Variants in ASMTL observed in about 807,000 individuals in gnomAD.
ASMTL encodes probable bifunctional dTTP/UTP pyrophosphatase/methyltransferase protein.
A neutral mutation model predicts 60.3 loss-of-function variants in ASMTL; 57 were observed. The observed-to-expected ratio is 0.95, with a 90% confidence interval of 0.76 to 1.18. The LOEUF (loss-of-function observed/expected upper bound fraction) is 1.18, where lower values mean the gene tolerates loss of function less well. Among genes scored for constraint, ASMTL ranks in the 50% most tolerant of loss-of-function variants. The probability of loss-of-function intolerance (pLI) is 0.00; values close to 1 mark genes in which losing one functional copy is unlikely to be tolerated. For missense variants in ASMTL, 981 were observed against 852.6 expected (o/e 1.15, Z -1.88); for synonymous variants, 419 against 373.0 (o/e 1.12, Z -1.42).
chrX:1,404,833 C>T (rs1158192724), intron 12 of ASMTL, among the ~76,000 whole-genome samples: 3 of 141,152 alleles, frequency 2.1e-5, no homozygotes, highest in African/African-American at 5.4e-5. Flanking sequence ...TAGATGGTAG[C>T]TGATGGATAG....
chrX:1,430,201 G>C (rs2090732114), intron 6 of ASMTL, among the ~76,000 whole-genome samples: 1 of 152,014 alleles, frequency 6.6e-6, no homozygotes, highest in South Asian at 2.1e-4. Flanking sequence ...TTTTAGTAGA[G>C]ATTGGGATTT....
At chrX:1,434,068 C>T (rs375488642) in intron 5 of ASMTL, among the ~76,000 whole-genome samples, 2 of 152,142 alleles carry the variant, frequency 1.3e-5, no homozygotes, top group Non-Finnish European at 2.9e-5. Context: ...GCGCTAACTC[C>T]GACGGCTACT....
At position 1,421,707 on chromosome X, in the gene ASMTL, G is replaced by T; in HGVS notation, c.1196C>A (p.Thr399Lys). ...TYLEFAIREGTNQHHRALGKK... is the reference protein window; with the variant it reads ...TYLEFAIREGKNQHHRALGKK... The stretch of plus-strand genomic sequence containing the variant: ...CCCCAACGCCCTGTGGTGCTGGTTT[G>T]TTCCCTCTCGGATGGCAAACTCCAG... Residue 399 changes from threonine (T) to lysine (K), a missense_variant, in exon 9 of 13, where the codon ACA (threonine) becomes AAA (lysine). Transcript: ENST00000381317. 2 of 1,613,920 alleles carry T rather than the reference G, an allele frequency of 1.2e-6. No individual in the cohort carries two copies. Among genetic ancestry groups the T allele is most frequent in the African/African-American group, 1.3e-5 (1 of 75,004 alleles).
At chrX:1,449,659 A>T (rs761274966) in intron 1 of ASMTL, among the ~76,000 whole-genome samples, 2 of 138,236 alleles carry the variant, frequency 1.4e-5, no homozygotes, top group African/African-American at 5.6e-5. Context: ...ACTACCCCCC[A>T]TCACCAGTAA....
chrX:1,444,397 T>C (rs1248926557), intron 1 of ASMTL, among the ~76,000 whole-genome samples: 6 of 151,962 alleles, frequency 3.9e-5, no homozygotes, highest in African/African-American at 1.4e-4. Flanking sequence ...TTAATAGAGA[T>C]GGGGTTTCAC....
Position 1,407,484 on chromosome X carries a change from T to C in ASMTL, c.1646-3995A>G, listed in dbSNP as rs189920545. On this transcript the variant is annotated intron_variant, in intron 12 of 12. Transcript: ENST00000381317. ...ATAGATGAATAGATGGATAGATGGATGCATGGATGAGATGGATGGATGGGT... is the reference window on the plus strand; with the variant it reads ...ATAGATGAATAGATGGATAGATGGACGCATGGATGAGATGGATGGATGGGT... Among the ~76,000 whole-genome samples the C allele has an allele frequency of 6.5e-3, 980 of 151,636 alleles. 42 individuals carry two copies. The East Asian group carries it at 0.12, about 18-fold the overall frequency.
At chrX:1,446,120 T>C (rs1238402746) in intron 1 of ASMTL, among the ~76,000 whole-genome samples, 1 of 152,250 alleles carries the variant, frequency 6.6e-6, no homozygotes, top group East Asian at 1.9e-4. Context: ...AGGAGCAAAT[T>C]AGTGAAAGTA....
At chrX:1,405,928 GGATGGATGGATGAATGGATGAGTA>G (rs1191245296) in intron 12 of ASMTL, among the ~76,000 whole-genome samples, 1 of 150,040 alleles carries the variant, frequency 6.7e-6, no homozygotes, top group East Asian at 1.9e-4. Context: ...GTAGATGAGT[GGATGGATGGATGAATGGATGAGTA>G]GATGGTAGAT....
At position 1,403,402 on chromosome X, in the gene ASMTL, A is replaced by G. The variant is rs778599177; in HGVS notation, c.1733T>C (p.Val578Ala). The G allele has an allele frequency of 2.5e-6, 4 of 1,613,442 alleles. No individual in the cohort carries two copies. Among genetic ancestry groups the G allele is most frequent in the Admixed American group, 3.3e-5 (2 of 60,014 alleles). Residue 578 changes from valine (V) to alanine (A), a missense_variant, in exon 13 of 13, where the codon GTG becomes GCG. Transcript: ENST00000381317. ...GCTCCGCTCCTTGCCTTCAGTCTGC[A>G]CCAGCATGTTCAGTGACTGCATCAG... is the stretch of plus-strand genomic sequence containing the variant. ...RALMQSLNML[V>A]QTEGKERSLG...
rs757216019 is a variant in ASMTL, at chrX:1,418,006, CG to C, written c.1488del (p.Gly497AspfsTer74). On this transcript the variant is annotated frameshift_variant, in exon 11 of 13. Coordinates refer to ENST00000381317, the MANE Select transcript of ASMTL (RefSeq NM_004192.4). LOFTEE classifies it high-confidence loss of function. The stretch of plus-strand genomic sequence containing the variant: ...AAGTGGATCTGCACTGCCTGCGGTC[CG>C]GGGGGTTGGAAGTGGGCGGCCAGCT... The part of the protein sequence containing the change: ...IIELAAHFQP[P>X]GPQAVQIHFA... 2.2e-5 allele frequency: 36 copies of C among 1,612,940 alleles called. No individual in the cohort carries two copies. The highest frequency in any genetic ancestry group is 2.7e-5 in the Non-Finnish European group (32 of 1,179,438).
At chrX:1,432,931 C>A (rs1246718350) in intron 5 of ASMTL, among the ~76,000 whole-genome samples, 2 of 152,402 alleles carry the variant, frequency 1.3e-5, no homozygotes, top group East Asian at 3.9e-4. Context: ...AACCCCGTCT[C>A]TACTAAAAAT....
At chrX:1,404,956 A>G (rs1166741600) in intron 12 of ASMTL, among the ~76,000 whole-genome samples, 7 of 148,946 alleles carry the variant, frequency 4.7e-5, no homozygotes, top group Non-Finnish European at 7.4e-5. Context: ...CATGGATGAG[A>G]GGGATGGATG....
chrX:1,404,566 GCATGAGATGGATGGATGGGTGTATA>G (rs2089732914), intron 12 of ASMTL, among the ~76,000 whole-genome samples: 1 of 151,856 alleles, frequency 6.6e-6, no homozygotes, highest in African/African-American at 2.4e-5. Context: ...ATGGATGCAT[GCATGAGATGGATGGATGGGTGTATA>G]GATGATAGAT....
chrX:1,435,257 C>A (rs2090930214), intron 4 of ASMTL, 174 bp from the exon 5 acceptor site: 1 of 711,790 alleles, frequency 1.4e-6, no homozygotes, highest in Admixed American at 2.3e-5. Context: ...TACGGAGAGG[C>A]CGAGGGAAGG....
chrX:1,421,417 T>G (rs2090481426), intron 9 of ASMTL, among the ~76,000 whole-genome samples: 2 of 152,078 alleles, frequency 1.3e-5, no homozygotes, highest in South Asian at 4.1e-4. Flanking sequence ...AACCTGTTTC[T>G]AGGAGGAAAT....
chrX:1,431,924 T>C (rs2090801287), intron 6 of ASMTL: 2 of 300,310 alleles, frequency 6.7e-6, no homozygotes, highest in South Asian at 1.2e-4. Flanking sequence ...ACAGAGTTTA[T>C]TCGTGTTAAT....
At chrX:1,443,025 ACAC>A (rs763701919) in intron 1 of ASMTL, among the ~76,000 whole-genome samples, 2,065 of 151,782 alleles carry the variant, frequency 0.014, 26 homozygotes, top group South Asian at 0.046. Context: ...TCTTGGAGAG[ACAC>A]CACCATCTTG....
At chrX:1,440,455 T>C (rs1289417967) in intron 2 of ASMTL, among the ~76,000 whole-genome samples, 1 of 152,220 alleles carries the variant, frequency 6.6e-6, no homozygotes, top group Non-Finnish European at 1.5e-5. Flanking sequence ...GCAGGGAAGC[T>C]ACATTAACTC....
At chrX:1,423,327 A>T (rs2090528028) in intron 8 of ASMTL, among the ~76,000 whole-genome samples, 1 of 151,932 alleles carries the variant, frequency 6.6e-6, no homozygotes, top group South Asian at 2.1e-4. Flanking sequence ...GCCTCTAAGG[A>T]TATAGTCACA....
Sources: allele counts gnomAD v4.1 joint callset (sites outside exome capture counted in the v4.1 genomes callset), GRCh38; gene constraint gnomAD v4.1.1; transcripts MANE v1.5; gene names NCBI Gene and HGNC (gene_info 2026-07-23, HGNC 2026-07-21).